The following PTPRD variants were observed in gnomAD, a reference collection of about 807,000 sequenced individuals.
The protein encoded by PTPRD is protein tyrosine phosphatase receptor type D, also known as receptor-type tyrosine-protein phosphatase delta.
PTPRD carries 34 observed loss-of-function variants against 214.5 expected under a neutral mutation model. The ratio of observed to expected loss-of-function variants is 0.16; its 90% CI spans 0.12 to 0.21. The LOEUF (loss-of-function observed/expected upper bound fraction) is 0.21. Among genes scored for constraint, PTPRD ranks in the 10% least tolerant of loss-of-function variants. The pLI is 1.00. For missense variants in PTPRD, 2,545 were observed against 2,398.7 expected, an observed-to-expected ratio of 1.06 and a Z score of -1.27; for synonymous variants, 1,128 against 845.7, an observed-to-expected ratio of 1.33 and a Z score of -5.79.
At chr9:8,412,304 A>G (rs2131073497) in intron 35 of PTPRD, among the ~76,000 whole-genome samples, 1 of 152,326 alleles carries the variant, frequency 6.6e-6, no homozygotes, top group Non-Finnish European at 1.5e-5. Flanking sequence ...GGCAACATTA[A>G]AGAGAATATT....
intron 4 of PTPRD, among the ~76,000 whole-genome samples, chr9:9,962,051 T>A (rs1587468860): frequency 6.6e-6 from 1 of 151,908 alleles, no homozygotes; most frequent in South Asian, 2.1e-4. Flanking sequence ...TAGAAACAAG[T>A]ATAAGCAAAT....
At chr9:9,312,643 T>C (rs1959562935) in intron 9 of PTPRD, among the ~76,000 whole-genome samples, 1 of 152,116 alleles carries the variant, frequency 6.6e-6, no homozygotes, top group African/African-American at 2.4e-5. Context: ...TGATGGGATG[T>C]CATTTTGTCC....
intron 3 of PTPRD, among the ~76,000 whole-genome samples, chr9:10,038,442 G>A (rs1348384780): frequency 3.9e-5 from 6 of 151,994 alleles, no homozygotes; most frequent in Non-Finnish European, 5.9e-5. Flanking sequence ...TTGATTTTGT[G>A]TTCTCTATCT....
intron 2 of PTPRD, among the ~76,000 whole-genome samples, chr9:10,546,058 G>A (rs908647332): frequency 2.6e-5 from 4 of 151,910 alleles, no homozygotes; most frequent in Admixed American, 1.3e-4. Flanking sequence ...TTCAGGAAAG[G>A]GACACAACTA....
At chr9:10,061,237 G>A (rs1033266417) in intron 3 of PTPRD, among the ~76,000 whole-genome samples, 1 of 151,860 alleles carries the variant, frequency 6.6e-6, no homozygotes, top group East Asian at 1.9e-4. Context: ...AATAGGGAAA[G>A]ACAATGCATA....
At chr9:9,132,853 T>C (rs1218016057) in intron 10 of PTPRD, among the ~76,000 whole-genome samples, 1 of 152,128 alleles carries the variant, frequency 6.6e-6, no homozygotes, top group African/African-American at 2.4e-5. Flanking sequence ...AATCAAAGAG[T>C]AATATATGAT....
chr9:9,578,151 A>G (rs2089605929), intron 7 of PTPRD, among the ~76,000 whole-genome samples: 2 of 151,998 alleles, frequency 1.3e-5, no homozygotes, highest in Admixed American at 6.6e-5. Flanking sequence ...TAAGCCAAGC[A>G]GGCAAACCAC....
intron 10 of PTPRD, among the ~76,000 whole-genome samples, chr9:9,141,144 C>G (rs2099859714): frequency 6.7e-6 from 1 of 150,204 alleles, no homozygotes; most frequent in Non-Finnish European, 1.5e-5. Context: ...CTCCTCTCTT[C>G]TCTCCCATCC....
chr9:10,056,947 G>C (rs1293692415), intron 3 of PTPRD, among the ~76,000 whole-genome samples: 3 of 151,924 alleles, frequency 2.0e-5, no homozygotes, highest in Non-Finnish European at 4.4e-5. Flanking sequence ...TGTTATTTTT[G>C]GTTATAAAAA....
chr9:10,075,919 A>C (rs1037268417), intron 3 of PTPRD, among the ~76,000 whole-genome samples: 1 of 152,154 alleles, frequency 6.6e-6, no homozygotes, highest in Non-Finnish European at 1.5e-5. Flanking sequence ...TAAATGCTTT[A>C]AAGAAGTCTT....
chr9:10,116,703 G>A (rs1438691350), intron 3 of PTPRD, among the ~76,000 whole-genome samples: 1 of 152,110 alleles, frequency 6.6e-6, no homozygotes, highest in Non-Finnish European at 1.5e-5. Context: ...GTCAGGTCAT[G>A]TCACTGCACT....
intron 14 of PTPRD, among the ~76,000 whole-genome samples, chr9:8,573,427 T>G (rs2091658739): frequency 6.6e-6 from 1 of 151,942 alleles, no homozygotes. Flanking sequence ...ATTTCTTGAG[T>G]GTTAGGAAAT....
chr9:10,109,080 A>G (rs1217945434), intron 3 of PTPRD, among the ~76,000 whole-genome samples: 1 of 152,178 alleles, frequency 6.6e-6, no homozygotes, highest in Non-Finnish European at 1.5e-5. Flanking sequence ...CTAGCATAAA[A>G]AAAGAAACAA....
intron 5 of PTPRD, among the ~76,000 whole-genome samples, chr9:9,827,554 C>A (rs2053365062): frequency 6.6e-6 from 1 of 152,104 alleles, no homozygotes; most frequent in African/African-American, 2.4e-5. Flanking sequence ...CGTAAAAACC[C>A]TAGAAGAAAA....
intron 8 of PTPRD, among the ~76,000 whole-genome samples, chr9:9,496,524 T>C (rs1348246549): frequency 2.0e-5 from 3 of 152,032 alleles, no homozygotes; most frequent in Admixed American, 2.0e-4. Context: ...CAATGAGATA[T>C]GGTAACACAC....
At chr9:9,687,059 A>G (rs865887870) in intron 7 of PTPRD, among the ~76,000 whole-genome samples, 1 of 151,784 alleles carries the variant, frequency 6.6e-6, no homozygotes, top group African/African-American at 2.4e-5. Context: ...CTAACAGTGT[A>G]GTGTTCAAAA....
At chr9:10,481,782 G>C (rs900915903) in intron 2 of PTPRD, among the ~76,000 whole-genome samples, 2 of 152,096 alleles carry the variant, frequency 1.3e-5, no homozygotes, top group Non-Finnish European at 2.9e-5. Context: ...CAAAACCGAA[G>C]AGCAGTAGCA....
chr9:8,607,681 G>A (rs1048969811), intron 14 of PTPRD, among the ~76,000 whole-genome samples: 3 of 151,978 alleles, frequency 2.0e-5, no homozygotes, highest in African/African-American at 4.8e-5. Context: ...AATTAAAAAC[G>A]AATGGGAGTG....
At chr9:10,049,439 A>AG (rs1329558317) in intron 3 of PTPRD, among the ~76,000 whole-genome samples, 1 of 106,744 alleles carries the variant, frequency 9.4e-6, no homozygotes, top group Non-Finnish European at 1.9e-5. Context: ...AAGAAAGAAA[A>AG]GAAAAAAAAA....
Sources: gnomAD v4.1 joint callset for allele counts (sites outside exome capture counted in the v4.1 genomes callset) on GRCh38, gnomAD v4.1.1 for gene constraint, MANE v1.5 for transcripts, NCBI Gene and HGNC (gene_info 2026-07-23, HGNC 2026-07-21) for gene names.